Variants in EHBP1 observed in about 807,000 individuals in gnomAD.
EHBP1 encodes EH domain-binding protein 1.
EHBP1 carries 55 observed loss-of-function variants against 144.0 expected under a neutral mutation model. That is an observed-to-expected ratio of 0.38 (90% CI 0.31 to 0.48). The LOEUF (loss-of-function observed/expected upper bound fraction) is 0.48. Ranked by LOEUF, EHBP1 falls within the 20% of genes least tolerant of loss-of-function variation. The probability of loss-of-function intolerance (pLI) is 0.98; values close to 1 mark genes in which losing one functional copy is unlikely to be tolerated. For synonymous variants in EHBP1, 469 were observed against 472.7 expected (o/e 0.99, Z 0.10); for missense variants, 1,200 against 1,364.2 (o/e 0.88, Z 1.90).
At chr2:62,900,703 T>TATATA (rs1558881616) in intron 10 of EHBP1, among the ~76,000 whole-genome samples, 2 of 150,466 alleles carry the variant, frequency 1.3e-5, no homozygotes, top group African/African-American at 4.9e-5. Flanking sequence ...TATATATATA[T>TATATA]TTTCTTTCTC....
At position 62,914,452 on chromosome 2, in the gene EHBP1, A is replaced by G. The variant is rs1164066587; in HGVS notation, c.1186-28266A>G. ...ATTTTTTCTTCAAAAATACGTGAAT[A>G]TAAATATTAAAATCAAATGTTAAAC... On this transcript the variant is annotated intron_variant, in intron 10 of 22. Coordinates refer to ENST00000431489, the MANE Select transcript of EHBP1 (RefSeq NM_001142616.3). 2.0e-5 allele frequency among the ~76,000 whole-genome samples: 3 copies of G among 152,130 alleles called. No homozygotes were observed. In the East Asian group the frequency reaches 5.8e-4, roughly 29 times the overall value.
At chr2:62,973,336 T>C (rs928064033) in intron 14 of EHBP1, among the ~76,000 whole-genome samples, 36 of 152,368 alleles carry the variant, frequency 2.4e-4, no homozygotes, top group African/African-American at 8.7e-4. Context: ...TATTAAATAA[T>C]GGTTTTTGTT....
At chr2:62,774,799 C>G (rs540429123) in intron 5 of EHBP1, among the ~76,000 whole-genome samples, 9 of 152,058 alleles carry the variant, frequency 5.9e-5, no homozygotes, top group Non-Finnish European at 1.0e-4. Context: ...GAGCTGTGAT[C>G]GTGACACTGC....
intron 1 of EHBP1, among the ~76,000 whole-genome samples, chr2:62,690,074 C>A (rs1004381137): frequency 6.6e-6 from 1 of 152,162 alleles, no homozygotes; most frequent in Admixed American, 6.5e-5. Context: ...TTCAGGCAGA[C>A]CTGCTGAAGA....
intron 10 of EHBP1, among the ~76,000 whole-genome samples, chr2:62,897,452 T>C (rs1286812085): frequency 2.0e-5 from 3 of 152,254 alleles, no homozygotes; most frequent in Non-Finnish European, 2.9e-5. Context: ...ATAAATTTTC[T>C]GAAGTGAGTC....
chr2:62,729,232 G>A (rs1172405099), intron 2 of EHBP1, among the ~76,000 whole-genome samples: 1 of 137,234 alleles, frequency 7.3e-6, no homozygotes, highest in Non-Finnish European at 1.5e-5. Flanking sequence ...TACTATCTTT[G>A]TGATACACTA....
intron 3 of EHBP1, among the ~76,000 whole-genome samples, chr2:62,752,077 G>C (rs1261807507): frequency 6.6e-6 from 1 of 151,970 alleles, no homozygotes; most frequent in Non-Finnish European, 1.5e-5. Context: ...TGTGATGTTA[G>C]GGTGTCAGTT....
chr2:62,817,818 C>T (rs1407593909), intron 5 of EHBP1, among the ~76,000 whole-genome samples: 1 of 152,104 alleles, frequency 6.6e-6, no homozygotes, highest in African/African-American at 2.4e-5. Context: ...AGGTTTGTTA[C>T]TTGGAATTTT....
chr2:62,995,866 T>A (rs372984723), intron 18 of EHBP1, among the ~76,000 whole-genome samples: 3 of 152,084 alleles, frequency 2.0e-5, no homozygotes, highest in African/African-American at 4.8e-5. Flanking sequence ...AAAAATATAT[T>A]TTTTTAAACA....
chr2:62,828,216 CA>C (rs1301160845), intron 6 of EHBP1, among the ~76,000 whole-genome samples: 3 of 152,104 alleles, frequency 2.0e-5, no homozygotes, highest in African/African-American at 7.2e-5. Flanking sequence ...GCGTATTAAG[CA>C]TTACTTTACA....
Position 62,964,165 on chromosome 2 carries a change from A to T in EHBP1, c.2460+8505A>T, listed in dbSNP as rs561369671. Among the ~76,000 whole-genome samples the T allele has an allele frequency of 7.2e-5, 11 of 152,298 alleles. No individual in the cohort carries two copies. The South Asian group carries it at 2.3e-3, about 32-fold the overall frequency. On this transcript the variant is annotated intron_variant, in intron 14 of 22. Transcript: ENST00000431489. ...GCTTGCTAGCATATCTTCAAAGTCA[A>T]ACAAAATACCAGCATTGTTGTGGAG...
upstream of EHBP1, among the ~76,000 whole-genome samples, chr2:62,701,452 G>A (rs2151763050): frequency 6.6e-6 from 1 of 152,308 alleles, no homozygotes; most frequent in South Asian, 2.1e-4. Flanking sequence ...GAGGCGAACA[G>A]TGCAGGTCTC....
chr2:62,787,201 G>A (rs1298718697), intron 5 of EHBP1, among the ~76,000 whole-genome samples: 5 of 152,184 alleles, frequency 3.3e-5, no homozygotes, highest in South Asian at 4.1e-4. Context: ...TTCTGCTGCC[G>A]TGCTTGAATT....
chr2:62,753,743 T>C lies in EHBP1; in HGVS notation c.162+6291T>C, dbSNP rs549951448. On this transcript the variant is annotated intron_variant, in intron 3 of 22. Coordinates refer to ENST00000431489, the MANE Select transcript of EHBP1 (RefSeq NM_001142616.3). ...AACTTCTCACTTCATTTCATTCAAT[T>C]GACCTGCAATCACTGATACCCTTTC... 5.3e-5 allele frequency among the ~76,000 whole-genome samples: 8 copies of C among 152,324 alleles called. No individual in the cohort carries two copies. The South Asian group carries it at 1.7e-3, about 32-fold the overall frequency.
intron 10 of EHBP1, among the ~76,000 whole-genome samples, chr2:62,911,240 T>C (rs921547952): frequency 1.7e-4 from 26 of 152,122 alleles, no homozygotes; most frequent in African/African-American, 5.3e-4. Flanking sequence ...ATCTATAAAA[T>C]AGGAATAATA....
chr2:63,015,504 GTGTTTGTT>G (rs35967277), intron 19 of EHBP1, among the ~76,000 whole-genome samples: 39 of 152,032 alleles, frequency 2.6e-4, no homozygotes, highest in African/African-American at 8.0e-4. Flanking sequence ...TTGTGGTTTT[GTGTTTGTT>G]TGTTTGTTTG....
chr2:62,778,878 CTG>C (rs1340359590), intron 5 of EHBP1, among the ~76,000 whole-genome samples: 1 of 140,084 alleles, frequency 7.1e-6, no homozygotes, highest in Non-Finnish European at 1.6e-5. Context: ...GTTTTTTTTT[CTG>C]TGTCACCTCA....
In EHBP1 at chr2:62,905,143, C is replaced by T. The variant is rs565411363; in HGVS notation, c.1185+30611C>T. 2.3e-4 allele frequency among the ~76,000 whole-genome samples: 35 copies of T among 152,194 alleles called. No individual in the cohort carries two copies. The South Asian group carries it at 7.3e-3, about 32-fold the overall frequency. ...AGATATGGGGAAAGAGCTTCCCTAA[C>T]AGAACAAACAGCAAGTGTAAAGGTC... On this transcript the variant is annotated intron_variant, in intron 10 of 22. Coordinates refer to ENST00000431489, the MANE Select transcript of EHBP1 (RefSeq NM_001142616.3).
intron 2 of EHBP1, among the ~76,000 whole-genome samples, chr2:62,746,675 T>G (rs543142835): frequency 6.6e-5 from 10 of 152,056 alleles, no homozygotes; most frequent in Non-Finnish European, 1.2e-4. Context: ...TTAAAAGGAA[T>G]GGGAAAAACC....
Sources: allele counts gnomAD v4.1 joint callset (sites outside exome capture counted in the v4.1 genomes callset), GRCh38; gene constraint gnomAD v4.1.1; transcripts MANE v1.5; gene names NCBI Gene and HGNC (gene_info 2026-07-23, HGNC 2026-07-21).